PIKFYVE: variants seen among roughly 807,000 people sequenced by gnomAD.
The protein encoded by PIKFYVE is phosphoinositide kinase, FYVE-type zinc finger containing, also known as 1-phosphatidylinositol 3-phosphate 5-kinase.
A neutral mutation model predicts 257.9 loss-of-function variants in PIKFYVE; 122 were observed. The ratio of observed to expected loss-of-function variants is 0.47; its 90% CI spans 0.41 to 0.55. PIKFYVE has a LOEUF of 0.55. PIKFYVE is among the 20% of genes least tolerant of loss of function. The pLI, the probability that PIKFYVE is intolerant of heterozygous loss-of-function variation, is 0.00. For missense variants in PIKFYVE, 2,160 were observed against 2,536.6 expected (o/e 0.85, Z 3.19); for synonymous variants, 892 against 868.9 (o/e 1.03, Z -0.47).
intron 6 of PIKFYVE, among the ~76,000 whole-genome samples, chr2:208,287,614 A>AT (rs547275728): frequency 4.8e-4 from 72 of 151,350 alleles, no homozygotes; most frequent in African/African-American, 1.6e-3. Flanking sequence ...TTATTTATTT[A>AT]TTTTGAGATG....
chr2:208,311,838 T>C (rs953855006), intron 12 of PIKFYVE, among the ~76,000 whole-genome samples: 3 of 152,212 alleles, frequency 2.0e-5, no homozygotes, highest in African/African-American at 4.8e-5. Context: ...GCTTTGTGCA[T>C]AGGCAAAGTG....
intron 24 of PIKFYVE, among the ~76,000 whole-genome samples, chr2:208,333,812 T>C (rs546171368): frequency 6.6e-6 from 1 of 152,242 alleles, no homozygotes; most frequent in Non-Finnish European, 1.5e-5. Context: ...AGTTTTAATA[T>C]AGAAATTTTA....
intron 31 of PIKFYVE, among the ~76,000 whole-genome samples, chr2:208,342,097 G>A (rs1157131787): frequency 6.6e-6 from 1 of 152,168 alleles, no homozygotes; most frequent in Non-Finnish European, 1.5e-5. Context: ...CAGTGCCTAG[G>A]TGAGTTAGGG....
Position 208,314,359 on chromosome 2 carries a change from C to T in PIKFYVE, c.1762C>T (p.His588Tyr), listed in dbSNP as rs1423536417. The T allele has an allele frequency of 6.2e-7, 1 of 1,613,902 alleles. No homozygotes were observed. The highest frequency in any genetic ancestry group is 1.7e-5 in the Admixed American group (1 of 60,012). Residue 588 changes from histidine (H) to tyrosine (Y), a missense_variant, in exon 14 of 42, where the codon CAT (histidine) becomes TAT (tyrosine). This residue lies in a region of PIKFYVE where 346 missense variants were observed against 365.6 expected (regional missense o/e 0.95). Transcript: ENST00000264380. ...KELPFTPLGW[H>Y]HNNLELLREE... ...GCTGCCTTTCACACCTTTGGGCTGG[C>T]ATCATAACAACCTGGAGCTCCTGAG...
At chr2:208,309,347 T>C (rs1694705454) in intron 12 of PIKFYVE, among the ~76,000 whole-genome samples, 1 of 152,224 alleles carries the variant, frequency 6.6e-6, no homozygotes, top group Non-Finnish European at 1.5e-5. Flanking sequence ...ATTAGTACTT[T>C]GGAGAAAGTC....
intron 27 of PIKFYVE, 68 bp downstream of exon 27, chr2:208,336,268 C>G (rs1698132995): frequency 6.3e-7 from 1 of 1,583,298 alleles, no homozygotes; most frequent in South Asian, 1.1e-5. Flanking sequence ...TATCTTAAAA[C>G]TTAAAAATTT....
In PIKFYVE at chr2:208,325,642, A is replaced by C; in HGVS notation, c.2831A>C (p.Lys944Thr). Residue 944 changes from lysine to threonine, a missense_variant, in exon 20 of 42, where the codon AAA becomes ACA. Lys to Thr is a moderately conservative substitution (Grantham distance 78). Transcript: ENST00000264380. Reference protein sequence around the residue: ...IVFEKGEQENKNLPQAVASVK... With the variant: ...IVFEKGEQENTNLPQAVASVK... ...TTTGAGAAGGGTGAGCAGGAAAATA[A>C]AAATCTTCCGCAGGCTGTTGCCTCT... is the stretch of plus-strand genomic sequence containing the variant. 1.9e-6 allele frequency: 3 copies of C among 1,614,156 alleles called. No homozygotes were observed. Among genetic ancestry groups the C allele is most frequent in the Non-Finnish European group, 2.5e-6 (3 of 1,180,032 alleles).
intron 8 of PIKFYVE, among the ~76,000 whole-genome samples, chr2:208,300,420 C>G (rs1693539275): frequency 6.6e-6 from 1 of 152,150 alleles, no homozygotes; most frequent in African/African-American, 2.4e-5. Flanking sequence ...TTGGGACTAC[C>G]TGGTGGAAGG....
In PIKFYVE at chr2:208,276,709, C is replaced by T. The variant is rs1224819736; in HGVS notation, c.323-3C>T. On this transcript the variant is annotated splice_polypyrimidine_tract_variant and splice_region_variant and intron_variant, in intron 3 of 41. Coordinates refer to ENST00000264380, the MANE Select transcript of PIKFYVE (RefSeq NM_015040.4). ...AGGTTGCTTTTTTTTTAATCCAACTCAGACACAAGAAGGAAAGCAGAACCT... is the reference window on the plus strand; with the variant it reads ...AGGTTGCTTTTTTTTTAATCCAACTTAGACACAAGAAGGAAAGCAGAACCT... 3 of 1,610,134 alleles carry T rather than the reference C, an allele frequency of 1.9e-6. No individual in the cohort carries two copies. The highest frequency in any genetic ancestry group is 2.5e-6 in the Non-Finnish European group (3 of 1,176,714).
chr2:208,336,740 C>G (rs1170933500), intron 27 of PIKFYVE, 98 bp from the exon 28 acceptor site: 13 of 748,844 alleles, frequency 1.7e-5, no homozygotes, highest in African/African-American at 3.6e-5. Flanking sequence ...AATAGGAAAA[C>G]TTTGTGATTT....
In PIKFYVE at chr2:208,326,220, A is replaced by G. The variant is rs1359695029; in HGVS notation, c.3409A>G (p.Arg1137Gly). The G allele has an allele frequency of 6.3e-7, 1 of 1,596,344 alleles. No individual in the cohort carries two copies. Among genetic ancestry groups the G allele is most frequent in the Non-Finnish European group, 8.5e-7 (1 of 1,171,166 alleles). ...VLPSHELVSTRIAEHLGDSQS... is the reference protein window; with the variant it reads ...VLPSHELVSTGIAEHLGDSQS... ...ACCCTCACATGAGCTAGTGAGCACT[A>G]GAATTGCTGAGCATCTGGGCGATAG... The change falls in exon 20 of 42, where the codon AGA (arginine) becomes GGA (glycine). Residue 1137 changes from arginine (R) to glycine (G), a missense_variant. Physicochemically the swap from Arg to Gly is moderately radical, Grantham distance 125. Transcript: ENST00000264380.
intron 5 of PIKFYVE, among the ~76,000 whole-genome samples, chr2:208,284,916 G>A (rs1272484516): frequency 1.3e-5 from 2 of 151,636 alleles, no homozygotes; most frequent in African/African-American, 2.4e-5. Context: ...CAGTCCTCCC[G>A]CCCTCAAGCA....
intron 18 of PIKFYVE, 73 bp from the exon 19 acceptor site, chr2:208,324,838 C>G: frequency 6.5e-7 from 1 of 1,543,148 alleles, no homozygotes; most frequent in Non-Finnish European, 8.9e-7. Flanking sequence ...TTTTCCATTA[C>G]TTTTCCAGAT....
At chr2:208,316,221 T>A (rs1325865478) in intron 15 of PIKFYVE, among the ~76,000 whole-genome samples, 1 of 152,154 alleles carries the variant, frequency 6.6e-6, no homozygotes, top group Non-Finnish European at 1.5e-5. Context: ...TTTTTTATGG[T>A]TGCATAGCAT....
Position 208,356,052 on chromosome 2 carries a change from C to T in PIKFYVE, c.*747C>T, listed in dbSNP as rs1444053226. 6.6e-6 allele frequency: 1 copy of T among 152,360 alleles called. No homozygotes were observed. The highest frequency in any genetic ancestry group is 6.5e-5 in the Admixed American group (1 of 15,282). 9.4% of individuals were successfully genotyped at this position (152,360 alleles called of 1,614,324 possible). On this transcript the variant is annotated 3_prime_UTR_variant, in exon 42 of 42. Transcript: ENST00000264380. ...TCATATATTAAATTGCACTTACTTG[C>T]ATACGCTCATATTCTAGGGTTTTTT...
chr2:208,330,012 C>A (rs1300789151), intron 22 of PIKFYVE, 99 bp downstream of exon 22: 1 of 1,479,708 alleles, frequency 6.8e-7, no homozygotes, highest in Non-Finnish European at 9.2e-7. Context: ...GTGACTGTTA[C>A]ATGATCCTCA....
At chr2:208,314,204 A>G (rs1339003312) in intron 13 of PIKFYVE, 90 bp from the exon 14 acceptor site, 1 of 1,440,630 alleles carries the variant, frequency 6.9e-7, no homozygotes, top group East Asian at 2.3e-5. Flanking sequence ...TAAAACATTT[A>G]TAAAGACAAA....
At chr2:208,272,295 G>T (rs1213000525) in intron 2 of PIKFYVE, among the ~76,000 whole-genome samples, 1 of 151,900 alleles carries the variant, frequency 6.6e-6, no homozygotes, top group Non-Finnish European at 1.5e-5. Context: ...AATAGAGAAA[G>T]TAGTCGTCTT....
chr2:208,353,860 AC>A, intron 39 of PIKFYVE, 37 bp from the exon 40 acceptor site: 1 of 1,611,372 alleles, frequency 6.2e-7, no homozygotes, highest in African/African-American at 1.3e-5. Context: ...ATTTGTGGCA[AC>A]CTGTACATAA....
Sources: allele counts gnomAD v4.1 joint callset (sites outside exome capture counted in the v4.1 genomes callset), GRCh38; gene constraint gnomAD v4.1.1; regional missense constraint gnomAD v4.1.1; transcripts MANE v1.5; gene names NCBI Gene and HGNC (gene_info 2026-07-23, HGNC 2026-07-21).